The following PHACTR3 variants were observed in gnomAD, a reference collection of about 807,000 sequenced individuals.
PHACTR3 encodes the protein phosphatase and actin regulator 3, also known as protein phosphatase 1, regulatory subunit 123.
A neutral mutation model predicts 66.8 loss-of-function variants in PHACTR3; 16 were observed. The observed-to-expected ratio is 0.24, with a 90% CI of 0.16 to 0.36. The LOEUF is 0.36. Among genes scored for constraint, PHACTR3 ranks in the 10% least tolerant of loss-of-function variants. The pLI is 1.00. For missense variants in PHACTR3, 647 were observed against 719.9 expected (o/e 0.90, Z 1.16); for synonymous variants, 323 against 292.1 (o/e 1.11, Z -1.08).
chr20:59,844,362 C>T (rs548370925), intron 11 of PHACTR3: 3 of 152,206 alleles, frequency 2.0e-5, no homozygotes, highest in African/African-American at 7.2e-5. Context: ...CTGTACTCCC[C>T]TGTTCACTGC....
chr20:59,670,332 GGGTCAA>G, intron 1 of PHACTR3, among the ~76,000 whole-genome samples: 1 of 152,298 alleles, frequency 6.6e-6, no homozygotes, highest in East Asian at 1.9e-4. Context: ...TCACTGGTCT[GGGTCAA>G]GTTCAGAAAT....
chr20:59,774,385 A>G lies in PHACTR3; in HGVS notation c.1069A>G (p.Lys357Glu), dbSNP rs1183827459. ...GALENKRTAA[K>E]ESEENKENLI... ...ATTGGAGAACAAGCGAACTGCCGCT[A>G]AGGAATCTGAGGAGAACAAGGAGAA... The change falls in exon 7 of 13, where the codon AAG becomes GAG. Residue 357 changes from lysine (K) to glutamate (E), a missense_variant. Physicochemically the swap from Lys to Glu is moderately conservative, Grantham distance 56 (BLOSUM62 1). Transcript: ENST00000371015. 1 of 1,614,170 alleles carries G rather than the reference A, an allele frequency of 6.2e-7. No homozygotes were observed.
At chr20:59,821,178 A>T (rs2042020781) in intron 8 of PHACTR3, among the ~76,000 whole-genome samples, 1 of 152,306 alleles carries the variant, frequency 6.6e-6, no homozygotes, top group Admixed American at 6.5e-5. Context: ...ATTGGGTAAG[A>T]TGCTCAAAGT....
At chr20:59,618,574 A>G (rs1225028799) in intron 1 of PHACTR3, among the ~76,000 whole-genome samples, 1 of 152,198 alleles carries the variant, frequency 6.6e-6, no homozygotes. Context: ...AGGAGGCTCA[A>G]TCTCAGCTTG....
chr20:59,804,672 A>G (rs143082527), intron 7 of PHACTR3, among the ~76,000 whole-genome samples: 1 of 152,364 alleles, frequency 6.6e-6, no homozygotes, highest in East Asian at 1.9e-4. Flanking sequence ...CTATTAAAAC[A>G]AAGTGGGGCC....
At position 59,632,973 on chromosome 20, in the gene PHACTR3, G is replaced by C. The variant is rs542328191; in HGVS notation, c.118+27841G>C. On this transcript the variant is annotated intron_variant, in intron 1 of 12. Transcript: ENST00000371015. The stretch of plus-strand genomic sequence containing the variant: ...GTGCTGAGAAAGACTGGCCTGCAGT[G>C]CTCTTGCTTTTGCACTTCCGTCCCC... 5.9e-5 allele frequency among the ~76,000 whole-genome samples: 9 copies of C among 152,266 alleles called. No homozygotes were observed. The South Asian group carries it at 1.9e-3, about 32-fold the overall frequency.
intron 7 of PHACTR3, among the ~76,000 whole-genome samples, chr20:59,788,348 G>C (rs6100591): frequency 0.15 from 23,303 of 152,112 alleles, 3,966 homozygotes; most frequent in African/African-American, 0.4. Context: ...CTGAGGGATA[G>C]TGACACTTCC....
At chr20:59,683,443 AC>A (rs1196578598) in intron 1 of PHACTR3, among the ~76,000 whole-genome samples, 1 of 150,212 alleles carries the variant, frequency 6.7e-6, no homozygotes, top group Non-Finnish European at 1.5e-5. Flanking sequence ...TTTGTCTGCC[AC>A]CTGTAGTCTA....
chr20:59,668,697 T>A (rs2036083023), intron 1 of PHACTR3, among the ~76,000 whole-genome samples: 2 of 152,034 alleles, frequency 1.3e-5, no homozygotes, highest in Admixed American at 6.6e-5. Context: ...CCTAAGTTTT[T>A]AAAAAATTAT....
At chr20:59,775,609 G>A (rs1238498412) in intron 7 of PHACTR3, among the ~76,000 whole-genome samples, 1 of 152,154 alleles carries the variant, frequency 6.6e-6, no homozygotes, top group African/African-American at 2.4e-5. Context: ...TCACCTGTGC[G>A]TTTGGAGGAG....
intron 1 of PHACTR3, among the ~76,000 whole-genome samples, chr20:59,629,809 GT>G (rs1330056191): frequency 6.6e-6 from 1 of 152,212 alleles, no homozygotes; most frequent in Non-Finnish European, 1.5e-5. Context: ...TGTCGTGCTT[GT>G]CAAGACAGCC....
chr20:59,797,138 A>T (rs1423638210), intron 7 of PHACTR3, among the ~76,000 whole-genome samples: 1 of 152,126 alleles, frequency 6.6e-6, no homozygotes, highest in African/African-American at 2.4e-5. Flanking sequence ...AATTTAAAAA[A>T]ATTATTTATT....
At position 59,635,169 on chromosome 20, in the gene PHACTR3, C is replaced by CCTT. The variant is rs2034837088; in HGVS notation, c.118+30038_118+30040dup. Among the ~76,000 whole-genome samples, 89 of 55,318 alleles carry CCTT rather than the reference C, an allele frequency of 1.6e-3. 1 individual carries two copies. The highest frequency in any genetic ancestry group is 2.6e-3 in the Admixed American group (11 of 4,304). The allele number at this position is 55,318 out of a possible 152,430, so 36.3% of individuals were successfully genotyped here. On this transcript the variant is annotated intron_variant, in intron 1 of 12. Transcript: ENST00000371015. ...TTTCTTTTTCTTTCTTTCTTTCTTT[C>CCTT]CTTTCTTTCTTTCTTTCTTTCTTTC...
intron 4 of PHACTR3, among the ~76,000 whole-genome samples, chr20:59,766,720 C>T (rs1327313217): frequency 6.6e-6 from 1 of 152,232 alleles, no homozygotes; most frequent in Non-Finnish European, 1.5e-5. Flanking sequence ...TGGAGGGTTA[C>T]ACTGTGTCAT....
rs1176017186 is a variant in PHACTR3, at chr20:59,837,508, A to T, written c.1384+948A>T. On this transcript the variant is annotated intron_variant, in intron 9 of 12. Coordinates refer to ENST00000371015, the MANE Select transcript of PHACTR3 (RefSeq NM_080672.5). ...ACTGCCTAAAACAATCCCCTCCTTTATAGATTGTTGAAAATAACCCTCAGA... is the reference window on the plus strand; with the variant it reads ...ACTGCCTAAAACAATCCCCTCCTTTTTAGATTGTTGAAAATAACCCTCAGA... 2.0e-5 allele frequency among the ~76,000 whole-genome samples: 3 copies of T among 152,188 alleles called. No homozygotes were observed. The East Asian group carries it at 5.8e-4, about 29-fold the overall frequency.
At chr20:59,608,974 C>CTCTGTA (rs2033762851) in intron 1 of PHACTR3, among the ~76,000 whole-genome samples, 1 of 152,230 alleles carries the variant, frequency 6.6e-6, no homozygotes, top group Non-Finnish European at 1.5e-5. Context: ...AGCTCAGATG[C>CTCTGTA]AGGAGACTTT....
Position 59,809,397 on chromosome 20 carries a change from G to A in PHACTR3, c.1328+3203G>A, listed in dbSNP as rs575966631. On this transcript the variant is annotated intron_variant, in intron 8 of 12. Coordinates refer to ENST00000371015, the MANE Select transcript of PHACTR3 (RefSeq NM_080672.5). ...TTTCTGCAAGTCTCAGTGATGGGAC[G>A]TGTGTTCCTAAGGCTTGGTTTCCTG... 1.7e-4 allele frequency among the ~76,000 whole-genome samples: 26 copies of A among 152,298 alleles called. No individual in the cohort carries two copies. In the South Asian group the frequency reaches 5.0e-3, roughly 29 times the overall value.
At position 59,841,539 on chromosome 20, in the gene PHACTR3, C is replaced by T. The variant is rs773762805; in HGVS notation, c.1587+4C>T. ...GAGACTGTCAGCAGCAGATAAGGTA[C>T]CTAACTGCCTGTGCTGGTGGGGGGT... On this transcript the variant is annotated splice_donor_region_variant and intron_variant, in intron 11 of 12. Coordinates refer to ENST00000371015, the MANE Select transcript of PHACTR3 (RefSeq NM_080672.5). The T allele has an allele frequency of 6.2e-7, 1 of 1,610,354 alleles. No individual in the cohort carries two copies. Among genetic ancestry groups the T allele is most frequent in the South Asian group, 1.1e-5 (1 of 90,196 alleles).
At position 59,847,326 on chromosome 20, in the gene PHACTR3, T is replaced by C. The variant is rs2059169028; in HGVS notation, c.*196T>C. On this transcript the variant is annotated 3_prime_UTR_variant, in exon 13 of 13. Transcript: ENST00000371015. ...TAACCAGAGGACACACTTCCTTCCTTCTTTGGTGTCTGAGGAGTGTGAACT... is the reference window on the plus strand; with the variant it reads ...TAACCAGAGGACACACTTCCTTCCTCCTTTGGTGTCTGAGGAGTGTGAACT... 3 of 455,638 alleles carry C rather than the reference T, an allele frequency of 6.6e-6. No homozygotes were observed. Among genetic ancestry groups the C allele is most frequent in the Non-Finnish European group, 1.2e-5 (3 of 246,166 alleles). The allele number at this position is 455,638 out of a possible 1,614,324, so 28.2% of individuals were successfully genotyped here. A position where few individuals can be genotyped will look rare whatever the true frequency, so the allele number is the denominator to read the frequency against.
Sources: gnomAD v4.1 joint callset for allele counts (sites outside exome capture counted in the v4.1 genomes callset) on GRCh38, gnomAD v4.1.1 for gene constraint, MANE v1.5 for transcripts, NCBI Gene and HGNC (gene_info 2026-07-23, HGNC 2026-07-21) for gene names.